The following STK32B variants were observed in gnomAD, a reference collection of about 807,000 sequenced individuals.
The protein encoded by STK32B is serine/threonine-protein kinase 32B.
In STK32B, 43 loss-of-function variants were observed where a neutral mutation model predicts 52.6. That is an observed-to-expected ratio of 0.82 (90% confidence interval 0.64 to 1.05). STK32B has a LOEUF of 1.05. STK32B is among the 50% of genes least tolerant of loss of function. The probability of loss-of-function intolerance (pLI) is 0.00; values close to 1 mark genes in which losing one functional copy is unlikely to be tolerated. For synonymous variants in STK32B, 238 were observed against 204.3 expected, an observed-to-expected ratio of 1.17 and a Z score of -1.41; for missense variants, 621 against 534.6, an observed-to-expected ratio of 1.16 and a Z score of -1.59.
At chr4:5,476,281 A>G (rs1718234938) in intron 11 of STK32B, among the ~76,000 whole-genome samples, 1 of 152,138 alleles carries the variant, frequency 6.6e-6, no homozygotes, top group South Asian at 2.1e-4. Flanking sequence ...TTTTAGCTAG[A>G]GTGGGGATTC....
At chr4:5,028,951 C>A in the STK32B span, among the ~76,000 whole-genome samples, 1 of 152,166 alleles carries the variant, frequency 6.6e-6, no homozygotes, top group Non-Finnish European at 1.5e-5. Context: ...GGGAGCACAT[C>A]GCATGGCCGG....
intron 3 of STK32B, among the ~76,000 whole-genome samples, chr4:5,235,162 A>G (rs1430790491): frequency 6.6e-6 from 1 of 152,216 alleles, no homozygotes. Flanking sequence ...AAGAAGCTTA[A>G]TGTCTACAAA....
In STK32B at chr4:5,398,094, G is replaced by T; in HGVS notation, c.435-113G>T. ...ACTCCATGTCTGAGGCTTCAGGTCA[G>T]GGAGAGGTGAGCAGCCTGGGTGTTC... is the stretch of plus-strand genomic sequence containing the variant. On this transcript the variant is annotated intron_variant, in intron 4 of 11. Coordinates refer to ENST00000282908, the MANE Select transcript of STK32B (RefSeq NM_018401.3). This position sits in a 1 kb window ranked among gnomAD's most constrained non-coding sequence, Gnocchi z 4.9. The T allele has an allele frequency of 8.9e-7, 1 of 1,128,198 alleles. No individual in the cohort carries two copies. The allele number at this position is 1,128,198 out of a possible 1,614,324, so 69.9% of individuals were successfully genotyped here. A position where few individuals can be genotyped will look rare whatever the true frequency, so the allele number is the denominator to read the frequency against.
intron 1 of STK32B, among the ~76,000 whole-genome samples, chr4:5,081,794 T>C (rs1712447322): frequency 6.6e-6 from 1 of 152,216 alleles, no homozygotes; most frequent in African/African-American, 2.4e-5. Context: ...CCTGACGTCA[T>C]TGAGTTTTCT....
chr4:5,121,429 T>C (rs1307848647), intron 1 of STK32B, among the ~76,000 whole-genome samples: 1 of 152,230 alleles, frequency 6.6e-6, no homozygotes, highest in Non-Finnish European at 1.5e-5. Flanking sequence ...GCTGTTGTTA[T>C]GATTCTTCTA....
At chr4:5,250,812 T>C (rs955546433) in intron 3 of STK32B, among the ~76,000 whole-genome samples, 3 of 152,212 alleles carry the variant, frequency 2.0e-5, no homozygotes, top group African/African-American at 7.2e-5. Flanking sequence ...TATTTAGTGA[T>C]GAGTGATGTT....
intron 2 of STK32B, among the ~76,000 whole-genome samples, chr4:5,150,520 GTTGGACTTACA>G (rs1717261446): frequency 6.6e-6 from 1 of 152,020 alleles, no homozygotes; most frequent in Non-Finnish European, 1.5e-5. Flanking sequence ...AGTTAACTTG[GTTGGACTTACA>G]TTGCATATTC....
chr4:5,490,216 C>G (rs112506731), intron 11 of STK32B, among the ~76,000 whole-genome samples: 1 of 151,842 alleles, frequency 6.6e-6, no homozygotes, highest in African/African-American at 2.4e-5. Context: ...AAGCAATTCT[C>G]CTGCCTCAGC....
chr4:5,389,918 T>C (rs1736494093), intron 4 of STK32B, among the ~76,000 whole-genome samples: 1 of 152,030 alleles, frequency 6.6e-6, no homozygotes, highest in South Asian at 2.1e-4. Context: ...GGAGAAGCAG[T>C]AGGAGATGCA....
At chr4:5,063,781 A>G (rs960717749) in intron 1 of STK32B, among the ~76,000 whole-genome samples, 5 of 152,224 alleles carry the variant, frequency 3.3e-5, no homozygotes, top group Admixed American at 3.3e-4. Flanking sequence ...ACATGTGGCT[A>G]TTAGCTAACT....
At chr4:5,450,903 C>T (rs2109130566) in intron 7 of STK32B, among the ~76,000 whole-genome samples, 1 of 152,252 alleles carries the variant, frequency 6.6e-6, no homozygotes, top group South Asian at 2.1e-4. Context: ...ATCACACCTG[C>T]TTGCTGACCA....
intron 3 of STK32B, among the ~76,000 whole-genome samples, chr4:5,315,678 TTTTC>T (rs1341758356): frequency 1.8e-5 from 2 of 109,440 alleles, no homozygotes; most frequent in African/African-American, 1.1e-4. Flanking sequence ...TTCTTTTTCT[TTTTC>T]TTTTTTTTTT....
intron 11 of STK32B, among the ~76,000 whole-genome samples, chr4:5,485,369 GT>G (rs1375741272): frequency 9.9e-5 from 15 of 151,950 alleles, no homozygotes; most frequent in African/African-American, 3.4e-4. Flanking sequence ...CTTTCTTCCA[GT>G]TGATCGAATC....
At chr4:5,343,827 A>G (rs1410198373) in intron 4 of STK32B, among the ~76,000 whole-genome samples, 2 of 152,194 alleles carry the variant, frequency 1.3e-5, no homozygotes, top group Non-Finnish European at 2.9e-5. Context: ...GCTCCTGAAA[A>G]GTTTGTGAGG....
At chr4:5,114,339 A>G (rs1034502866) in intron 1 of STK32B, among the ~76,000 whole-genome samples, 3 of 151,920 alleles carry the variant, frequency 2.0e-5, no homozygotes, top group African/African-American at 4.8e-5. Context: ...CTTCAAAGGA[A>G]CCTTCCTGGA....
intron 4 of STK32B, among the ~76,000 whole-genome samples, chr4:5,338,800 G>A (rs1560333158): frequency 6.6e-6 from 1 of 152,236 alleles, no homozygotes; most frequent in Non-Finnish European, 1.5e-5. Flanking sequence ...GAGATATCCA[G>A]TAATTTATGG....
At chr4:5,252,158 T>G (rs1725978678) in intron 3 of STK32B, among the ~76,000 whole-genome samples, 1 of 152,230 alleles carries the variant, frequency 6.6e-6, no homozygotes, top group Non-Finnish European at 1.5e-5. Context: ...GTTTCTGTGA[T>G]GAGATACCTT....
intron 3 of STK32B, among the ~76,000 whole-genome samples, chr4:5,171,281 T>G (rs1006428028): frequency 9.2e-5 from 14 of 152,116 alleles, no homozygotes; most frequent in African/African-American, 3.1e-4. Context: ...GATGGTGGTT[T>G]CTTTTGCTGT....
chr4:5,213,152 G>T (rs549484565), intron 3 of STK32B, among the ~76,000 whole-genome samples: 1 of 152,268 alleles, frequency 6.6e-6, no homozygotes, highest in South Asian at 2.1e-4. Flanking sequence ...TTCTGGGGCT[G>T]TTCTTCGATT....
Sources: gnomAD v4.1 joint callset for allele counts (sites outside exome capture counted in the v4.1 genomes callset) on GRCh38, gnomAD v4.1.1 for gene constraint, Gnocchi (gnomAD v3.1) non-coding constraint, MANE v1.5 for transcripts, NCBI Gene and HGNC (gene_info 2026-07-23, HGNC 2026-07-21) for gene names.